Variants in NRDC observed in about 807,000 individuals in gnomAD.
NRDC encodes the protein nardilysin.
A neutral mutation model predicts 147.1 loss-of-function variants in NRDC; 54 were observed. That is an observed-to-expected ratio of 0.37 (90% confidence interval 0.29 to 0.46). NRDC has a LOEUF of 0.46. Among genes scored for constraint, NRDC ranks in the 20% least tolerant of loss-of-function variants. The pLI, the probability that NRDC is intolerant of heterozygous loss-of-function variation, is 1.00. For synonymous variants in NRDC, 440 were observed against 482.1 expected, an observed-to-expected ratio of 0.91 and a Z score of 1.14; for missense variants, 1,082 against 1,370.6, an observed-to-expected ratio of 0.79 and a Z score of 3.33.
chr1:51,856,387 G>A (rs773817777), intron 1 of NRDC, among the ~76,000 whole-genome samples: 7 of 152,240 alleles, frequency 4.6e-5, no homozygotes, highest in Non-Finnish European at 8.8e-5. Flanking sequence ...AGACTGCCCT[G>A]CCAACAAACA....
At position 51,878,722 on chromosome 1, in the gene NRDC, A is replaced by C; in HGVS notation, c.-107T>G. 1 of 961,030 alleles carries C rather than the reference A, an allele frequency of 1.0e-6. No homozygotes were observed. Among genetic ancestry groups the C allele is most frequent in the South Asian group, 1.6e-5 (1 of 61,156 alleles). The allele number at this position is 961,030 out of a possible 1,614,324, so 59.5% of individuals were successfully genotyped here. ...TGGTGCTGCCGCAGCCGCGGGGAAC[A>C]GGCCTGAACCCCTCCCCCAACCCAG... On this transcript the variant is annotated 5_prime_UTR_variant, in exon 1 of 31. Coordinates refer to ENST00000352171, the MANE Select transcript of NRDC (RefSeq NM_001101662.2).
In NRDC at chr1:51,827,848, G is replaced by A. The variant is rs775285073; in HGVS notation, c.888C>T (p.His296=). ...CAATTGCATCTCTGATCATTAGTGGGTGGATGAAGAACTGCGCCCATCTGA... is the reference window on the plus strand; with the variant it reads ...CAATTGCATCTCTGATCATTAGTGGATGGATGAAGAACTGCGCCCATCTGA... ...ALDRWAQFFI[H]PLMIRDAIDR... is the part of the protein sequence containing the mutation. Residue 296 remains histidine, a synonymous_variant, in exon 5 of 31, where the codon CAC becomes CAT. Coordinates refer to ENST00000352171, the MANE Select transcript of NRDC (RefSeq NM_001101662.2). 8.7e-6 allele frequency: 14 copies of A among 1,613,890 alleles called. No homozygotes were observed. The highest frequency in any genetic ancestry group is 5.0e-5 in the Admixed American group (3 of 60,014).
intron 6 of NRDC, 134 bp downstream of exon 6, chr1:51,825,153 G>A (rs1162020699): frequency 1.6e-6 from 1 of 632,766 alleles, no homozygotes; most frequent in Non-Finnish European, 2.7e-6. Context: ...GCGTTTGAAA[G>A]GCTAACTAGC....
At chr1:51,863,499 A>T (rs1682654882) in intron 1 of NRDC, among the ~76,000 whole-genome samples, 1 of 152,222 alleles carries the variant, frequency 6.6e-6, no homozygotes, top group Admixed American at 6.5e-5. Context: ...AAGTCATTTC[A>T]ATCAAGAATG....
At chr1:51,874,852 T>C (rs892985900) in intron 1 of NRDC, among the ~76,000 whole-genome samples, 8 of 152,212 alleles carry the variant, frequency 5.3e-5, no homozygotes, top group Non-Finnish European at 1.0e-4. Context: ...ATTACACATA[T>C]GCTGAAGTAA....
chr1:51,828,775 G>T (rs1428272641), intron 4 of NRDC, among the ~76,000 whole-genome samples: 2 of 143,924 alleles, frequency 1.4e-5, no homozygotes, highest in Non-Finnish European at 3.0e-5. Flanking sequence ...CTAGAATGCA[G>T]TGGCACAATC....
In NRDC at chr1:51,874,999, C is replaced by CAT. The variant is rs1557944946; in HGVS notation, c.341+3275_341+3276insAT. ...TATGATGCTATGTACTGTAATGGAT[C>CAT]GTGCACAAAATCCTACTGAAATACA... is the stretch of plus-strand genomic sequence containing the variant. On this transcript the variant is annotated intron_variant, in intron 1 of 30. Transcript: ENST00000352171. Among the ~76,000 whole-genome samples, 1,213 of 152,208 alleles carry CAT rather than the reference C, an allele frequency of 8.0e-3. 17 individuals carry two copies. Among genetic ancestry groups the CAT allele is most frequent in the African/African-American group, 0.028 (1,159 of 41,516 alleles).
intron 1 of NRDC, among the ~76,000 whole-genome samples, chr1:51,842,849 G>A (rs571525165): frequency 3.4e-4 from 51 of 151,982 alleles, no homozygotes; most frequent in African/African-American, 1.1e-3. Context: ...GTAGATTGCT[G>A]GAGTCCAGGA....
At chr1:51,828,854 G>A (rs12121972) in intron 4 of NRDC, among the ~76,000 whole-genome samples, 6 of 151,902 alleles carry the variant, frequency 3.9e-5, no homozygotes, top group African/African-American at 1.4e-4. Flanking sequence ...AAGTAGCTGA[G>A]ACTAGAGGTG....
intron 17 of NRDC, 66 bp from the exon 18 acceptor site, chr1:51,806,979 G>A: frequency 4.5e-6 from 7 of 1,541,830 alleles, no homozygotes; most frequent in East Asian, 2.3e-5. Context: ...ATCTGTTATT[G>A]GCTTCAGAAG....
At chr1:51,795,419 A>G in intron 22 of NRDC, 1 of 250,218 alleles carries the variant, frequency 4.0e-6, no homozygotes, top group Non-Finnish European at 8.1e-6. Flanking sequence ...AAAAACAGGC[A>G]GCCTATTTCT....
chr1:51,793,005 A>C (rs967420722), intron 24 of NRDC, among the ~76,000 whole-genome samples: 1 of 152,216 alleles, frequency 6.6e-6, no homozygotes, highest in Non-Finnish European at 1.5e-5. Context: ...TGCCTCCCAG[A>C]GTCAGGATCT....
intron 24 of NRDC, among the ~76,000 whole-genome samples, chr1:51,793,570 C>T (rs186004433): frequency 4.6e-5 from 7 of 152,338 alleles, no homozygotes; most frequent in Non-Finnish European, 8.8e-5. Context: ...ACCGTGACAT[C>T]GGGCAAGTGA....
intron 1 of NRDC, among the ~76,000 whole-genome samples, chr1:51,860,347 A>G (rs1028966663): frequency 6.6e-6 from 1 of 152,210 alleles, no homozygotes; most frequent in African/African-American, 2.4e-5. Context: ...CTTCAAAAAT[A>G]TAGGATAGTT....
chr1:51,808,589 C>T lies in NRDC; in HGVS notation c.1990+726G>A, dbSNP rs918119817. On this transcript the variant is annotated intron_variant, in intron 17 of 30. Coordinates refer to ENST00000352171, the MANE Select transcript of NRDC (RefSeq NM_001101662.2). ...AGTATTGTGAACAGTGCTCTGTGAA[C>T]ATGAAGGTCCATGTATTTGTTTGAG... is the stretch of plus-strand genomic sequence containing the variant. Among the ~76,000 whole-genome samples the T allele has an allele frequency of 2.6e-5, 4 of 152,136 alleles. No individual in the cohort carries two copies. The East Asian group carries it at 5.8e-4, about 22-fold the overall frequency.
chr1:51,858,702 C>T (rs79063427), intron 1 of NRDC, among the ~76,000 whole-genome samples: 2 of 152,226 alleles, frequency 1.3e-5, no homozygotes, highest in African/African-American at 4.8e-5. Flanking sequence ...TGCCCTATTC[C>T]TCAATGGGCT....
intron 18 of NRDC, among the ~76,000 whole-genome samples, chr1:51,806,034 T>G (rs1289516370): frequency 6.6e-6 from 1 of 152,162 alleles, no homozygotes; most frequent in Non-Finnish European, 1.5e-5. Context: ...AGTTGTGTTT[T>G]GAGGTTGGGG....
chr1:51,795,086 C>T (rs550417588), intron 22 of NRDC: 4 of 1,458,618 alleles, frequency 2.7e-6, no homozygotes, highest in Non-Finnish European at 3.6e-6. Flanking sequence ...AATCTGTTTA[C>T]CCATAATACA....
At chr1:51,873,479 TTTTATTTATTTATTTA>T (rs57413276) in intron 1 of NRDC, among the ~76,000 whole-genome samples, 40 of 141,876 alleles carry the variant, frequency 2.8e-4, no homozygotes, top group African/African-American at 5.9e-4. Flanking sequence ...TATATGGAAT[TTTTATTTATTTATTTA>T]TTTATTTATT....
Sources: gnomAD v4.1 joint callset for allele counts (sites outside exome capture counted in the v4.1 genomes callset) on GRCh38, gnomAD v4.1.1 for gene constraint, MANE v1.5 for transcripts, NCBI Gene and HGNC (gene_info 2026-07-23, HGNC 2026-07-21) for gene names.